LMLN: variants seen among roughly 807,000 people sequenced by gnomAD.
The protein encoded by LMLN is leishmanolysin-like peptidase.
In LMLN, 70 loss-of-function variants were observed where a neutral mutation model predicts 92.3. The ratio of observed to expected loss-of-function variants is 0.76; its 90% CI spans 0.63 to 0.92. The LOEUF is 0.92. Ranked by LOEUF, LMLN falls within the 40% of genes least tolerant of loss-of-function variation. The pLI, the probability that LMLN is intolerant of heterozygous loss-of-function variation, is 0.00. For missense variants in LMLN, 691 were observed against 814.6 expected (o/e 0.85, Z 1.85); for synonymous variants, 308 against 296.2 (o/e 1.04, Z -0.41).
At chr3:198,015,728 A>G (rs1364048493) in intron 11 of LMLN, among the ~76,000 whole-genome samples, 1 of 151,642 alleles carries the variant, frequency 6.6e-6, no homozygotes, top group African/African-American at 2.4e-5. Flanking sequence ...TGTACCCTTC[A>G]GAGTCCCCTA....
At chr3:197,993,962 A>G (rs931670947) in intron 9 of LMLN, among the ~76,000 whole-genome samples, 3 of 152,210 alleles carry the variant, frequency 2.0e-5, no homozygotes, top group Admixed American at 6.5e-5. Flanking sequence ...TGACTTGATT[A>G]TGATTAACCA....
chr3:198,006,441 G>A lies in LMLN; in HGVS notation c.1232+7099G>A, dbSNP rs183691757. Among the ~76,000 whole-genome samples the A allele has an allele frequency of 3.2e-3, 487 of 152,342 alleles. 3 individuals are homozygous for A. Among genetic ancestry groups the A allele is most frequent in the African/African-American group, 0.011 (472 of 41,564 alleles). On this transcript the variant is annotated intron_variant, in intron 11 of 15. Transcript: ENST00000330198. ...TTTCTCCAGAAAAAGTGCCAGGAAT[G>A]CAGTTACTGGCTCATTAAGTAATTA... is the stretch of plus-strand genomic sequence containing the variant.
At chr3:198,020,766 G>GTTTTTT (rs1260852398) in intron 12 of LMLN, among the ~76,000 whole-genome samples, 1 of 25,644 alleles carries the variant, frequency 3.9e-5, no homozygotes, top group South Asian at 1.1e-3. Flanking sequence ...GCTAATTTTT[G>GTTTTTT]TATTTTTTTT....
chr3:198,014,654 A>G (rs1264629526), intron 11 of LMLN, among the ~76,000 whole-genome samples: 1 of 132,486 alleles, frequency 7.5e-6, no homozygotes, highest in Non-Finnish European at 1.6e-5. Flanking sequence ...TCCACCCTTC[A>G]GAGTCCCCTT....
chr3:197,968,990 T>C (rs1194316764), intron 1 of LMLN, among the ~76,000 whole-genome samples: 1 of 152,242 alleles, frequency 6.6e-6, no homozygotes, highest in Non-Finnish European at 1.5e-5. Context: ...ATGAAGTTTT[T>C]CATAACATTC....
At chr3:197,980,231 A>G (rs898849578) in intron 5 of LMLN, 95 bp from the exon 6 acceptor site, 21 of 986,694 alleles carry the variant, frequency 2.1e-5, no homozygotes, top group Admixed American at 4.6e-5. Flanking sequence ...ATTAAATTGT[A>G]CTGTGTTTAT....
At chr3:197,982,349 C>T (rs1721583573) in intron 6 of LMLN, among the ~76,000 whole-genome samples, 1 of 151,542 alleles carries the variant, frequency 6.6e-6, no homozygotes, top group Non-Finnish European at 1.5e-5. Flanking sequence ...CCTTAGCCTC[C>T]TGAGTAGCGG....
chr3:197,977,627 A>T (rs1278684610), intron 5 of LMLN, among the ~76,000 whole-genome samples: 1 of 152,028 alleles, frequency 6.6e-6, no homozygotes, highest in Non-Finnish European at 1.5e-5. Context: ...GGAAGCACAC[A>T]CTTGTTAAAT....
chr3:197,967,997 A>G (rs1268079534), intron 1 of LMLN, among the ~76,000 whole-genome samples: 2 of 152,176 alleles, frequency 1.3e-5, no homozygotes, highest in East Asian at 3.8e-4. Flanking sequence ...GTTCCCTAAA[A>G]TTGCTGTTAT....
intron 1 of LMLN, among the ~76,000 whole-genome samples, chr3:197,962,638 T>C (rs1337925212): frequency 6.6e-6 from 1 of 152,222 alleles, no homozygotes; most frequent in East Asian, 1.9e-4. Context: ...AGATGTCCTT[T>C]CTAAGAAATC....
intron 11 of LMLN, among the ~76,000 whole-genome samples, chr3:198,018,368 G>T (rs555764343): frequency 1.6e-3 from 251 of 152,320 alleles, no homozygotes; most frequent in African/African-American, 5.8e-3. Flanking sequence ...GCCTGCATGT[G>T]CCAGGCACTG....
intron 1 of LMLN, among the ~76,000 whole-genome samples, chr3:197,966,447 C>A (rs2109842402): frequency 6.6e-6 from 1 of 152,184 alleles, no homozygotes; most frequent in African/African-American, 2.4e-5. Flanking sequence ...AGAGGGAAAA[C>A]ATTGTCTTCC....
At chr3:198,036,756 A>C (rs1723245828) in intron 15 of LMLN, among the ~76,000 whole-genome samples, 1 of 152,242 alleles carries the variant, frequency 6.6e-6, no homozygotes, top group South Asian at 2.1e-4. Context: ...GAGAGTATAA[A>C]AGCAGAATTC....
intron 1 of LMLN, among the ~76,000 whole-genome samples, chr3:197,961,187 T>A (rs1720869338): frequency 6.6e-6 from 1 of 152,234 alleles, no homozygotes; most frequent in African/African-American, 2.4e-5. Flanking sequence ...GATAATGGCT[T>A]ATTTTTTAGG....
At chr3:198,027,944 G>C (rs1310674675) in intron 14 of LMLN, among the ~76,000 whole-genome samples, 1 of 152,114 alleles carries the variant, frequency 6.6e-6, no homozygotes, top group Non-Finnish European at 1.5e-5. Context: ...TTTTGTTGTT[G>C]TTGTTGAGGG....
chr3:198,036,102 A>G (rs780208933), intron 15 of LMLN, 59 bp downstream of exon 16: 21 of 1,465,362 alleles, frequency 1.4e-5, no homozygotes, highest in Non-Finnish European at 2.0e-5. Context: ...AACTTCTCTT[A>G]TAAAATGTTG....
rs561768523 is a variant in LMLN at position 197,969,169 on chromosome 3, A to C, written c.220-5208A>C. Among the ~76,000 whole-genome samples the C allele has an allele frequency of 2.0e-5, 3 of 150,512 alleles. No individual in the cohort carries two copies. In the East Asian group the frequency reaches 5.9e-4, roughly 29 times the overall value. On this transcript the variant is annotated intron_variant, in intron 1 of 15. Transcript: ENST00000330198. ...CGATCACTGCTCACTGCAGCCTTGA[A>C]CTCCTGAGCTCAAGCAATCCTCCCA...
exon 1 of LMLN, chr3:197,960,366 G>A: frequency 6.2e-7 from 1 of 1,613,944 alleles, no homozygotes; most frequent in African/African-American, 1.3e-5. Context: ...CGGGCTCCGG[G>A]CCAGCGCCAC....
At chr3:197,980,300 C>T (rs755033043) in intron 5 of LMLN, 26 bp from the exon 6 acceptor site, 2 of 1,596,304 alleles carry the variant, frequency 1.3e-6, no homozygotes, top group Admixed American at 3.5e-5. Flanking sequence ...TCTGTTCTGG[C>T]TTTCTGATGT....
Sources: gnomAD v4.1 joint callset for allele counts (sites outside exome capture counted in the v4.1 genomes callset) on GRCh38, gnomAD v4.1.1 for gene constraint, MANE v1.5 for transcripts, NCBI Gene and HGNC (gene_info 2026-07-23, HGNC 2026-07-21) for gene names.